ZNF654: variants seen among roughly 807,000 people sequenced by gnomAD.
ZNF654 encodes melanoma-associated antigen.
A neutral mutation model predicts 95.3 loss-of-function variants in ZNF654; 19 were observed. The observed-to-expected ratio is 0.20, with a 90% confidence interval of 0.14 to 0.29. The LOEUF is 0.29. Among genes scored for constraint, ZNF654 ranks in the 10% least tolerant of loss-of-function variants. ZNF654 has a pLI of 1.00. For synonymous variants in ZNF654, 413 were observed against 457.9 expected, an observed-to-expected ratio of 0.90 and a Z score of 1.25; for missense variants, 1,046 against 1,341.0, an observed-to-expected ratio of 0.78 and a Z score of 3.44.
chr3:88,061,819 G>T (rs185704095), intron 1 of ZNF654, among the ~76,000 whole-genome samples: 2 of 152,288 alleles, frequency 1.3e-5, no homozygotes, highest in East Asian at 3.9e-4. Context: ...ATTAGTGAAT[G>T]ACTTAATCGT....
chr3:88,068,027 C>T (rs1194267629), intron 1 of ZNF654, among the ~76,000 whole-genome samples: 1 of 152,032 alleles, frequency 6.6e-6, no homozygotes, highest in East Asian at 1.9e-4. Flanking sequence ...AAGGACAACA[C>T]TCAAAGCACA....
rs887184809 is a variant in ZNF654 at position 88,063,188 on chromosome 3, A to G, written c.186+3683A>G. On this transcript the variant is annotated intron_variant, in intron 1 of 8. Transcript: ENST00000636215. ...CTAGAGATGCTACTGAACATCCTGC[A>G]GTGCACAGGATGGCTCTAACAACAA... 4.0e-4 allele frequency among the ~76,000 whole-genome samples: 61 copies of G among 152,208 alleles called. 2 individuals are homozygous for G. The highest frequency in any genetic ancestry group is 4.8e-5 in the African/African-American group (2 of 41,456).
chr3:88,120,963 T>C (rs1705734913), intron 3 of ZNF654, among the ~76,000 whole-genome samples: 1 of 152,050 alleles, frequency 6.6e-6, no homozygotes, highest in Non-Finnish European at 1.5e-5. Flanking sequence ...TGTCTGAGCA[T>C]TAGGACAAGT....
chr3:88,094,885 G>GA (rs1254649179), intron 2 of ZNF654, among the ~76,000 whole-genome samples: 1 of 151,202 alleles, frequency 6.6e-6, no homozygotes. Context: ...GAAGAAAAAA[G>GA]AAAAAAAATT....
intron 3 of ZNF654, among the ~76,000 whole-genome samples, chr3:88,125,849 A>G (rs1359153205): frequency 6.6e-6 from 1 of 152,092 alleles, no homozygotes; most frequent in Admixed American, 6.6e-5. Context: ...GTTTTTTGCA[A>G]CCTGGTTCTT....
intron 2 of ZNF654, among the ~76,000 whole-genome samples, chr3:88,094,152 A>G (rs1421241115): frequency 6.7e-6 from 1 of 149,682 alleles, no homozygotes; most frequent in South Asian, 2.1e-4. Flanking sequence ...TTCTCTTACT[A>G]AACTTCATGA....
In ZNF654 at chr3:88,139,680, GATGTTATTGAAA is replaced by G. The variant is rs769766147; in HGVS notation, c.2027_2038del (p.Val676_Asn679del). ...TGAAATTCCCATAAGTGTACCAGAA[GATGTTATTGAAA>G]ATGTTATTGAAAATGGCAGTCCTAA... On this transcript the variant is annotated inframe_deletion, in exon 8 of 9. Transcript: ENST00000636215. 137 of 1,600,706 alleles carry G rather than the reference GATGTTATTGAAA, an allele frequency of 8.6e-5. No individual in the cohort carries two copies. Among genetic ancestry groups the G allele is most frequent in the Non-Finnish European group, 1.1e-4 (126 of 1,172,672 alleles).
Position 88,129,738 on chromosome 3 carries a change from GA to G in ZNF654, c.810del (p.Glu271LysfsTer6). On this transcript the variant is annotated frameshift_variant, in exon 6 of 9. Coordinates refer to ENST00000636215, the MANE Select transcript of ZNF654 (RefSeq NM_001350134.2). LOFTEE classifies it high-confidence loss of function. ...KSGIDIICNA[E>X]KEGKTMLALQ... ...TGGAATTGATATCATCTGTAATGCTGAAAAAGAAGGCAAAACTATGTTAGCC... is the reference window on the plus strand; with the variant it reads ...TGGAATTGATATCATCTGTAATGCTGAAAAGAAGGCAAAACTATGTTAGCC... 6.5e-7 allele frequency: 1 copy of G among 1,528,326 alleles called. No individual in the cohort carries two copies. Among genetic ancestry groups the G allele is most frequent in the Non-Finnish European group, 8.8e-7 (1 of 1,141,760 alleles). The allele number at this position is 1,528,326 out of a possible 1,614,324, so 94.7% of individuals were successfully genotyped here. A position where few individuals can be genotyped will look rare whatever the true frequency, so the allele number is the denominator to read the frequency against.
intron 2 of ZNF654, among the ~76,000 whole-genome samples, chr3:88,089,361 A>G (rs1019262237): frequency 2.6e-5 from 4 of 151,484 alleles, no homozygotes; most frequent in African/African-American, 4.8e-5. Context: ...CGTGGTGGCA[A>G]GCGCCTGTAA....
At chr3:88,088,549 A>T (rs1003009806) in intron 2 of ZNF654, among the ~76,000 whole-genome samples, 1 of 152,198 alleles carries the variant, frequency 6.6e-6, no homozygotes, top group African/African-American at 2.4e-5. Flanking sequence ...GTTCTGTAGG[A>T]AGGTTGGAAG....
At chr3:88,126,003 A>G (rs1412461005) in intron 3 of ZNF654, 131 bp from the exon 4 acceptor site, 3 of 1,009,638 alleles carry the variant, frequency 3.0e-6, no homozygotes, top group East Asian at 2.7e-5. Context: ...TTAGGTTACA[A>G]TAGTAACCCT....
At chr3:88,112,941 C>G (rs548520578) in intron 2 of ZNF654, among the ~76,000 whole-genome samples, 174 bp from the exon 3 acceptor site, 22 of 152,140 alleles carry the variant, frequency 1.4e-4, no homozygotes, top group African/African-American at 4.1e-4. Context: ...CTTGAAGGCA[C>G]TTCTTTTAAA....
chr3:88,129,076 AAAGT>A, intron 5 of ZNF654, 65 bp downstream of exon 5: 1 of 1,211,626 alleles, frequency 8.3e-7, no homozygotes, highest in South Asian at 1.6e-5. Context: ...CCAAAAAAAA[AAAGT>A]AGCCCACTGT....
At chr3:88,128,532 A>G (rs1706255575) in intron 4 of ZNF654, among the ~76,000 whole-genome samples, 1 of 151,888 alleles carries the variant, frequency 6.6e-6, no homozygotes, top group Non-Finnish European at 1.5e-5. Context: ...GAACTGAAAG[A>G]AGAAAAAAAA....
At chr3:88,119,396 GAGGGGGGA>G (rs1269437823) in intron 3 of ZNF654, among the ~76,000 whole-genome samples, 561 of 5,134 alleles carry the variant, frequency 0.11, 3 homozygotes, top group Non-Finnish European at 0.36. Context: ...GGGGTGGGGG[GAGGGGGGA>G]GGGGGGAGGG....
rs61730543 is a variant in ZNF654, at chr3:88,140,795, T to A, written c.3126T>A (p.Ile1042=). The change falls in exon 8 of 9, where the codon ATT becomes ATA. Residue 1042 remains isoleucine (I), a synonymous_variant. Coordinates refer to ENST00000636215, the MANE Select transcript of ZNF654 (RefSeq NM_001350134.2). The part of the protein sequence containing the change: ...LTSEHTSYGL[I]LTKPYVRPLP... Reference sequence around the variant, plus strand: ...GTGAACATACTTCATATGGCTTAATTTTAACAAAACCATACGTCAGACCAT... The same window carrying A: ...GTGAACATACTTCATATGGCTTAATATTAACAAAACCATACGTCAGACCAT... The A allele has an allele frequency of 0.033, 53,891 of 1,613,632 alleles. 1,161 individuals carry two copies. The highest frequency in any genetic ancestry group is 0.039 in the Non-Finnish European group (46,238 of 1,179,702).
Position 88,075,537 on chromosome 3 carries a change from A to G in ZNF654, c.187-10720A>G, listed in dbSNP as rs112272993. ...TGCTTTTAGGAGCCCAGTAAAGACA[A>G]TATCTCTTCTGCTGCTTGCTCTTTT... On this transcript the variant is annotated intron_variant, in intron 1 of 8. Coordinates refer to ENST00000636215, the MANE Select transcript of ZNF654 (RefSeq NM_001350134.2). Among the ~76,000 whole-genome samples the G allele has an allele frequency of 8.6e-3, 1,312 of 152,336 alleles. 17 individuals carry two copies. The highest frequency in any genetic ancestry group is 0.03 in the African/African-American group (1,249 of 41,580).
At chr3:88,062,840 A>T (rs1706964551) in intron 1 of ZNF654, among the ~76,000 whole-genome samples, 1 of 152,230 alleles carries the variant, frequency 6.6e-6, no homozygotes, top group Non-Finnish European at 1.5e-5. Flanking sequence ...TAGCACACAG[A>T]TAGACTTAAA....
rs1265718190 is a variant in ZNF654 at position 88,111,683 on chromosome 3, G to A, written c.333-1432G>A. Among the ~76,000 whole-genome samples, 55 of 151,954 alleles carry A rather than the reference G, an allele frequency of 3.6e-4. 1 individual carries two copies. The highest frequency in any genetic ancestry group is 3.3e-3 in the Admixed American group (50 of 15,234). ...TGTTTCTGTCTTTGAGCTTATATATGTATATTTCGAGGATGAAATTTCTAT... is the reference window on the plus strand; with the variant it reads ...TGTTTCTGTCTTTGAGCTTATATATATATATTTCGAGGATGAAATTTCTAT... On this transcript the variant is annotated intron_variant, in intron 2 of 8. Coordinates refer to ENST00000636215, the MANE Select transcript of ZNF654 (RefSeq NM_001350134.2).
Sources: allele counts gnomAD v4.1 joint callset (sites outside exome capture counted in the v4.1 genomes callset), GRCh38; gene constraint gnomAD v4.1.1; transcripts MANE v1.5; gene names NCBI Gene and HGNC (gene_info 2026-07-23, HGNC 2026-07-21).